Variants in CCDC7 observed in about 807,000 individuals in gnomAD.
CCDC7 encodes the protein coiled-coil domain-containing protein 7.
CCDC7 carries 183 observed loss-of-function variants against 196.9 expected under a neutral mutation model. That is an observed-to-expected ratio of 0.93 (90% confidence interval 0.82 to 1.05). The LOEUF is 1.05. CCDC7 is among the 50% of genes least tolerant of loss of function. The probability of loss-of-function intolerance (pLI) is 0.00; values close to 1 mark genes in which losing one functional copy is unlikely to be tolerated. For missense variants in CCDC7, 1,540 were observed against 1,482.2 expected (o/e 1.04, Z -0.64); for synonymous variants, 525 against 484.6 (o/e 1.08, Z -1.10).
chr10:32,636,242 A>C lies in CCDC7; in HGVS notation c.2014+1084A>C, dbSNP rs570706044. On this transcript the variant is annotated intron_variant, in intron 20 of 41. Coordinates refer to ENST00000639629, the Ensembl canonical transcript of CCDC7. ...TTCTTTTTTTTATTTTTTATTTTTT[A>C]TTATACTTTAAGATTTAGGGTACCT... Among the ~76,000 whole-genome samples, 8 of 151,996 alleles carry C rather than the reference A, an allele frequency of 5.3e-5. No homozygotes were observed. In the South Asian group the frequency reaches 1.2e-3, roughly 24 times the overall value.
intron 13 of CCDC7, among the ~76,000 whole-genome samples, chr10:32,552,309 C>T (rs546842710): frequency 7.1e-4 from 108 of 152,280 alleles, no homozygotes; most frequent in African/African-American, 2.5e-3. Flanking sequence ...TAGCGAGTCT[C>T]CTGAAGGCAT....
At chr10:32,818,364 C>T (rs1247709607) in intron 31 of CCDC7, among the ~76,000 whole-genome samples, 2 of 151,532 alleles carry the variant, frequency 1.3e-5, no homozygotes, top group South Asian at 2.1e-4. Context: ...TAGAAAGAGA[C>T]TTAGACTCCC....
intron 18 of CCDC7, among the ~76,000 whole-genome samples, chr10:32,612,596 C>T (rs1439105539): frequency 6.6e-6 from 1 of 152,002 alleles, no homozygotes; most frequent in East Asian, 1.9e-4. Context: ...ACATTCCATC[C>T]ATACCTAGTT....
intron 20 of CCDC7, among the ~76,000 whole-genome samples, chr10:32,654,413 A>G (rs1395983194): frequency 6.6e-6 from 1 of 152,164 alleles, no homozygotes; most frequent in Non-Finnish European, 1.5e-5. Context: ...TAAATTCTAA[A>G]TAATATGATG....
chr10:32,702,936 T>C lies in CCDC7; in HGVS notation c.2458+7944T>C, dbSNP rs1280834940. On this transcript the variant is annotated intron_variant, in intron 24 of 41. Transcript: ENST00000639629. Reference sequence around the variant, plus strand: ...CTGCACGTGAGATGGGTTTCCTGAATACAGCACACTGATGGGTCTTGACTC... The same window carrying C: ...CTGCACGTGAGATGGGTTTCCTGAACACAGCACACTGATGGGTCTTGACTC... Among the ~76,000 whole-genome samples the C allele has an allele frequency of 2.6e-5, 4 of 152,238 alleles. No homozygotes were observed. The South Asian group carries it at 8.3e-4, about 32-fold the overall frequency.
intron 29 of CCDC7, among the ~76,000 whole-genome samples, chr10:32,784,633 G>T (rs56241656): frequency 6.6e-6 from 1 of 151,924 alleles, no homozygotes; most frequent in African/African-American, 2.4e-5. Context: ...GTGCAGTGGC[G>T]CAATCTCGGC....
intron 8 of CCDC7, among the ~76,000 whole-genome samples, chr10:32,478,981 T>C (rs1355739637): frequency 6.6e-6 from 1 of 152,152 alleles, no homozygotes; most frequent in Non-Finnish European, 1.5e-5. Context: ...CAATTTCTTT[T>C]AAATAGGCCT....
At chr10:32,793,887 A>C (rs1412232836) in intron 29 of CCDC7, among the ~76,000 whole-genome samples, 1 of 152,176 alleles carries the variant, frequency 6.6e-6, no homozygotes, top group African/African-American at 2.4e-5. Flanking sequence ...ATTCTACAGC[A>C]GTTGTGTGAA....
intron 21 of CCDC7, among the ~76,000 whole-genome samples, chr10:32,672,339 C>G (rs1232167930): frequency 6.6e-6 from 1 of 152,172 alleles, no homozygotes; most frequent in Non-Finnish European, 1.5e-5. Flanking sequence ...TGGGCACACA[C>G]AGTGAACGTG....
intron 28 of CCDC7, among the ~76,000 whole-genome samples, chr10:32,744,711 G>C (rs2074416409): frequency 6.6e-6 from 1 of 152,100 alleles, no homozygotes; most frequent in South Asian, 2.1e-4. Context: ...CATATTTTGG[G>C]TAACAGTCTT....
At chr10:32,706,487 G>A (rs2079777181) in intron 24 of CCDC7, among the ~76,000 whole-genome samples, 2 of 152,016 alleles carry the variant, frequency 1.3e-5, no homozygotes, top group Admixed American at 6.5e-5. Context: ...AATTGAAGGA[G>A]ATAGAGACAC....
chr10:32,713,335 A>T (rs1288558011), intron 25 of CCDC7, among the ~76,000 whole-genome samples: 1 of 152,234 alleles, frequency 6.6e-6, no homozygotes, highest in Non-Finnish European at 1.5e-5. Context: ...AAAAGGCCCA[A>T]GAAATGTCAT....
At chr10:32,840,429 A>G (rs1369326769) in intron 33 of CCDC7, among the ~76,000 whole-genome samples, 4 of 152,098 alleles carry the variant, frequency 2.6e-5, no homozygotes, top group Non-Finnish European at 5.9e-5. Context: ...CTGGAAATAT[A>G]CAATCCCCCT....
chr10:32,512,320 A>G (rs2135386311), intron 9 of CCDC7: 1 of 152,424 alleles, frequency 6.6e-6, no homozygotes, highest in Middle Eastern at 3.4e-3. Context: ...CCTTCATGAC[A>G]TTTTTCTAGG....
chr10:32,805,762 T>C (rs2085698507), intron 30 of CCDC7, among the ~76,000 whole-genome samples: 1 of 152,182 alleles, frequency 6.6e-6, no homozygotes, highest in South Asian at 2.1e-4. Context: ...CAAAGCTGTT[T>C]TATTGTAGGA....
chr10:32,543,755 T>C (rs889483231), intron 12 of CCDC7, among the ~76,000 whole-genome samples: 2 of 152,086 alleles, frequency 1.3e-5, no homozygotes, highest in Admixed American at 1.3e-4. Flanking sequence ...ACTTATTAAT[T>C]GTATTATTCT....
At chr10:32,689,481 G>T (rs993323048) in intron 23 of CCDC7, among the ~76,000 whole-genome samples, 1 of 150,206 alleles carries the variant, frequency 6.7e-6, no homozygotes, top group Non-Finnish European at 1.5e-5. Flanking sequence ...CTCACCTGTG[G>T]CCTTCTTCCA....
At chr10:32,833,989 T>C (rs1218487156) in intron 32 of CCDC7, among the ~76,000 whole-genome samples, 1 of 152,082 alleles carries the variant, frequency 6.6e-6, no homozygotes, top group Non-Finnish European at 1.5e-5. Context: ...TAAATCCAGA[T>C]TATTTGATTT....
intron 27 of CCDC7, 78 bp downstream of exon 28, chr10:32,729,075 T>G (rs2083533051): frequency 9.8e-7 from 1 of 1,024,700 alleles, no homozygotes; most frequent in Non-Finnish European, 1.4e-6. Flanking sequence ...TTCGTCAGTG[T>G]GTACTTCAGA....
Sources: gnomAD v4.1 joint callset for allele counts (sites outside exome capture counted in the v4.1 genomes callset) on GRCh38, gnomAD v4.1.1 for gene constraint, MANE v1.5 for transcripts, NCBI Gene and HGNC (gene_info 2026-07-23, HGNC 2026-07-21) for gene names.